Variants in DLG2 observed in about 807,000 individuals in gnomAD.
The protein encoded by DLG2 is disks large homolog 2.
Under a neutral mutation model 132.5 loss-of-function variants are expected in DLG2, and 45 were observed. The observed-to-expected ratio is 0.34, with a 90% confidence interval of 0.27 to 0.44. DLG2 has a LOEUF of 0.44. Ranked by LOEUF, DLG2 falls within the 20% of genes least tolerant of loss-of-function variation. DLG2 has a pLI of 1.00. For missense variants in DLG2, 1,045 were observed against 1,196.9 expected (o/e 0.87, Z 1.87); for synonymous variants, 424 against 419.6 (o/e 1.01, Z -0.13).
chr11:85,527,132 C>A (rs1348311106), intron 3 of DLG2, among the ~76,000 whole-genome samples: 1 of 150,340 alleles, frequency 6.7e-6, no homozygotes, highest in Non-Finnish European at 1.5e-5. Context: ...TGCTAAATTT[C>A]TTGGGGTTTT....
At position 83,500,875 on chromosome 11, in the gene DLG2, T is replaced by C. The variant is rs957214142; in HGVS notation, c.2194-16647A>G. 3.9e-5 allele frequency among the ~76,000 whole-genome samples: 6 copies of C among 152,162 alleles called. No individual in the cohort carries two copies. In the South Asian group the frequency reaches 1.2e-3, roughly 31 times the overall value. On this transcript the variant is annotated intron_variant, in intron 21 of 27. Transcript: ENST00000376104. The stretch of plus-strand genomic sequence containing the variant: ...TTCTTTGCCAATTTGTGCATCATTC[T>C]GTGTGGTAGATTCCACAGGAAATTG...
At chr11:85,534,323 TTTC>T (rs2075424981) in intron 3 of DLG2, among the ~76,000 whole-genome samples, 1 of 152,208 alleles carries the variant, frequency 6.6e-6, no homozygotes, top group Non-Finnish European at 1.5e-5. Context: ...GTCTTTTTTA[TTTC>T]ATTTCCTCCA....
At chr11:85,154,135 G>GAAAAAAAA (rs34094958) in intron 5 of DLG2, among the ~76,000 whole-genome samples, 1 of 57,674 alleles carries the variant, frequency 1.7e-5, no homozygotes, top group Non-Finnish European at 3.3e-5. Flanking sequence ...TTCTTTTGGA[G>GAAAAAAAA]AAAAAAAAAA....
chr11:85,028,550 G>A (rs1045844974), intron 6 of DLG2, among the ~76,000 whole-genome samples: 2 of 152,134 alleles, frequency 1.3e-5, no homozygotes, highest in African/African-American at 2.4e-5. Context: ...ATGCTCACGG[G>A]CACCCAAAGT....
At chr11:84,627,419 T>C (rs916321804) in intron 6 of DLG2, among the ~76,000 whole-genome samples, 3 of 152,240 alleles carry the variant, frequency 2.0e-5, no homozygotes, top group Non-Finnish European at 4.4e-5. Context: ...TTTACACATA[T>C]ACTACAAAAA....
chr11:84,928,982 G>GTGTGTGTGTATATATATATATA (rs1400906684), intron 6 of DLG2, among the ~76,000 whole-genome samples: 8 of 49,114 alleles, frequency 1.6e-4, no homozygotes, highest in African/African-American at 3.6e-4. Flanking sequence ...GTGTGTGTGT[G>GTGTGTGTGTATATATATATATA]TATATATATA....
At chr11:84,978,537 C>T (rs920829070) in intron 6 of DLG2, among the ~76,000 whole-genome samples, 10 of 152,098 alleles carry the variant, frequency 6.6e-5, no homozygotes, top group African/African-American at 2.4e-4. Flanking sequence ...TGATCTTTGA[C>T]AAACCTGACA....
At chr11:84,830,215 C>T (rs964712134) in intron 6 of DLG2, among the ~76,000 whole-genome samples, 1 of 151,454 alleles carries the variant, frequency 6.6e-6, no homozygotes, top group Non-Finnish European at 1.5e-5. Flanking sequence ...GAGAACATTC[C>T]CTGTCCTGGT....
rs142225627 is a variant in DLG2, at chr11:84,206,395, T to G, written c.574-42884A>C. ...AAGGAAAACATCCCAAGTCATTTTT[T>G]GAGGCCAGGGTTAGTCTGATAATAT... On this transcript the variant is annotated intron_variant, in intron 8 of 27. Coordinates refer to ENST00000376104, the MANE Select transcript of DLG2 (RefSeq NM_001142699.3). Among the ~76,000 whole-genome samples, 117 of 152,224 alleles carry G rather than the reference T, an allele frequency of 7.7e-4. No individual in the cohort carries two copies. In the South Asian group the frequency reaches 0.016, roughly 20 times the overall value.
chr11:84,373,268 A>AAAAAAAAAAC (rs1567449347), intron 7 of DLG2, among the ~76,000 whole-genome samples: 1 of 135,742 alleles, frequency 7.4e-6, no homozygotes, highest in Non-Finnish European at 1.5e-5. Context: ...AAAAAAACAA[A>AAAAAAAAAAC]ACAAAAAAAA....
chr11:84,305,048 A>T (rs188352093), intron 7 of DLG2, among the ~76,000 whole-genome samples: 91 of 151,574 alleles, frequency 6.0e-4, no homozygotes, highest in African/African-American at 2.0e-3. Flanking sequence ...AAGAAGAAAT[A>T]AAAAAAAAGT....
chr11:84,483,263 T>C (rs2099142387), intron 7 of DLG2, among the ~76,000 whole-genome samples: 1 of 151,554 alleles, frequency 6.6e-6, no homozygotes, highest in Admixed American at 6.6e-5. Context: ...TGAAACCCCG[T>C]CTCTACAAAA....
At chr11:84,351,721 T>A (rs2098574046) in intron 7 of DLG2, among the ~76,000 whole-genome samples, 1 of 152,196 alleles carries the variant, frequency 6.6e-6, no homozygotes, top group African/African-American at 2.4e-5. Context: ...TTGCCAGTAA[T>A]CTTAGGAAAG....
At chr11:83,590,135 C>G (rs1565943700) in intron 19 of DLG2, among the ~76,000 whole-genome samples, 1 of 144,884 alleles carries the variant, frequency 6.9e-6, no homozygotes, top group Non-Finnish European at 1.5e-5. Context: ...CTGCACCAAG[C>G]AGACCTAATA....
intron 3 of DLG2, among the ~76,000 whole-genome samples, chr11:85,582,528 A>T (rs982079959): frequency 6.6e-6 from 1 of 151,734 alleles, no homozygotes; most frequent in Non-Finnish European, 1.5e-5. Context: ...AATCATGTAG[A>T]ATATTAGTGT....
At chr11:85,130,691 A>G (rs926864843) in intron 5 of DLG2, among the ~76,000 whole-genome samples, 1 of 152,190 alleles carries the variant, frequency 6.6e-6, no homozygotes, top group Admixed American at 6.5e-5. Context: ...GGATAAGGAG[A>G]TGAGTATTAA....
At chr11:84,825,106 A>AAG (rs1251152819) in intron 6 of DLG2, among the ~76,000 whole-genome samples, 1 of 151,844 alleles carries the variant, frequency 6.6e-6, no homozygotes, top group East Asian at 1.9e-4. Context: ...AGTCTCCGGG[A>AAG]AGAAACAATG....
At chr11:85,482,813 C>A (rs2153091981) in intron 3 of DLG2, among the ~76,000 whole-genome samples, 1 of 152,258 alleles carries the variant, frequency 6.6e-6, no homozygotes, top group East Asian at 1.9e-4. Context: ...CAGACCTGTT[C>A]CAGCAGACCC....
intron 18 of DLG2, among the ~76,000 whole-genome samples, chr11:83,711,758 C>A (rs1352273362): frequency 6.6e-6 from 1 of 152,134 alleles, no homozygotes; most frequent in Non-Finnish European, 1.5e-5. Context: ...TTACAGGAAG[C>A]CTTGCTAATC....
Sources: gnomAD v4.1 joint callset for allele counts (sites outside exome capture counted in the v4.1 genomes callset) on GRCh38, gnomAD v4.1.1 for gene constraint, MANE v1.5 for transcripts, NCBI Gene and HGNC (gene_info 2026-07-23, HGNC 2026-07-21) for gene names.